The following DISP1 variants were observed in gnomAD, a reference collection of about 807,000 sequenced individuals.
DISP1 encodes dispatched RND transporter family member 1, also known as protein dispatched homolog 1.
A neutral mutation model predicts 37.3 loss-of-function variants in DISP1; 30 were observed. The ratio of observed to expected loss-of-function variants is 0.80; its 90% confidence interval spans 0.60 to 1.09. The LOEUF (loss-of-function observed/expected upper bound fraction) is 1.09. DISP1 is among the 50% of genes least tolerant of loss of function. The pLI, the probability that DISP1 is intolerant of heterozygous loss-of-function variation, is 0.00. For synonymous variants in DISP1, 634 were observed against 690.2 expected, an observed-to-expected ratio of 0.92 and a Z score of 1.28; for missense variants, 1,598 against 1,879.5, an observed-to-expected ratio of 0.85 and a Z score of 2.77.
At chr1:222,849,619 T>G (rs1217966199) in intron 1 of DISP1, among the ~76,000 whole-genome samples, 1 of 152,172 alleles carries the variant, frequency 6.6e-6, no homozygotes, top group Non-Finnish European at 1.5e-5. Context: ...CTGTGAAATT[T>G]GAAGCACCTT....
At chr1:222,960,784 A>T (rs1046300569) in intron 3 of DISP1, among the ~76,000 whole-genome samples, 1 of 152,184 alleles carries the variant, frequency 6.6e-6, no homozygotes, top group African/African-American at 2.4e-5. Context: ...TAAAGGGGAT[A>T]TCACCACTGA....
intron 1 of DISP1, among the ~76,000 whole-genome samples, chr1:222,839,893 A>G (rs1245283471): frequency 4.6e-5 from 7 of 151,682 alleles, no homozygotes; most frequent in Non-Finnish European, 1.0e-4. Flanking sequence ...AGATTGTGCC[A>G]CTGCACTCTA....
chr1:222,959,607 G>A (rs1483574518), intron 3 of DISP1, among the ~76,000 whole-genome samples: 2 of 151,012 alleles, frequency 1.3e-5, no homozygotes, highest in African/African-American at 2.4e-5. Flanking sequence ...GGCTGAGGCA[G>A]GAGAATTACT....
chr1:222,905,268 C>T (rs1456309197), intron 1 of DISP1, among the ~76,000 whole-genome samples: 3 of 152,102 alleles, frequency 2.0e-5, no homozygotes, highest in South Asian at 2.1e-4. Flanking sequence ...TAGTAATGCT[C>T]GGAATGGAAA....
intron 1 of DISP1, among the ~76,000 whole-genome samples, chr1:222,865,312 A>G (rs757661825): frequency 3.3e-5 from 5 of 152,128 alleles, no homozygotes; most frequent in Middle Eastern, 3.2e-3. Context: ...TTAGTTTTAT[A>G]TTATTAAGAC....
At position 222,936,702 on chromosome 1, in the gene DISP1, C is replaced by A. The variant is rs57298794; in HGVS notation, c.-17-6105C>A. Among the ~76,000 whole-genome samples the A allele has an allele frequency of 1.3e-3, 107 of 85,152 alleles. 2 individuals carry two copies. Among genetic ancestry groups the A allele is most frequent in the African/African-American group, 4.5e-3 (102 of 22,876 alleles). 55.9% of individuals were successfully genotyped at this position (85,152 alleles called of 152,430 possible). A position where few individuals can be genotyped will look rare whatever the true frequency, so the allele number is the denominator to read the frequency against. ...AATATATAAAATATATGATATATAT[C>A]ATATATATTATATATCATATATATG... On this transcript the variant is annotated intron_variant, in intron 2 of 8. Transcript: ENST00000675850.
intron 1 of DISP1, among the ~76,000 whole-genome samples, chr1:222,854,391 A>C (rs745717059): frequency 6.6e-6 from 1 of 152,136 alleles, no homozygotes; most frequent in Non-Finnish European, 1.5e-5. Flanking sequence ...CAAGCAGGGG[A>C]AATGCCACAT....
At chr1:222,989,842 G>A (rs868664336) in intron 4 of DISP1, among the ~76,000 whole-genome samples, 6 of 150,378 alleles carry the variant, frequency 4.0e-5, no homozygotes, top group Middle Eastern at 6.9e-3. Context: ...TAGCTCTGTC[G>A]CCCAGGCTGG....
chr1:222,979,336 C>T (rs1351265507), intron 3 of DISP1, among the ~76,000 whole-genome samples: 2 of 151,958 alleles, frequency 1.3e-5, no homozygotes, highest in East Asian at 1.9e-4. Flanking sequence ...TTACTTGAGC[C>T]CAGGAAATTG....
chr1:222,830,197 C>G (rs1665393427), intron 1 of DISP1, among the ~76,000 whole-genome samples: 1 of 152,050 alleles, frequency 6.6e-6, no homozygotes, highest in African/African-American at 2.4e-5. Flanking sequence ...ATAACTTGAC[C>G]ATGAAATCAA....
intron 3 of DISP1, among the ~76,000 whole-genome samples, chr1:222,973,717 C>T (rs924053445): frequency 3.3e-5 from 5 of 152,138 alleles, no homozygotes; most frequent in African/African-American, 9.7e-5. Context: ...TGCACAAGTG[C>T]CATTTGCTTT....
chr1:222,995,658 T>C (rs1441318626), intron 8 of DISP1, among the ~76,000 whole-genome samples: 1 of 152,212 alleles, frequency 6.6e-6, no homozygotes, highest in Non-Finnish European at 1.5e-5. Flanking sequence ...TTGGAAGAGC[T>C]GTCAATTTCA....
chr1:222,846,063 A>T (rs916334890), intron 1 of DISP1, among the ~76,000 whole-genome samples: 5 of 152,166 alleles, frequency 3.3e-5, no homozygotes, highest in African/African-American at 1.2e-4. Context: ...GAAATTTTAT[A>T]GTTTTTGGCT....
At chr1:222,997,550 A>G (rs1424610430) in intron 8 of DISP1, among the ~76,000 whole-genome samples, 1 of 152,170 alleles carries the variant, frequency 6.6e-6, no homozygotes, top group African/African-American at 2.4e-5. Flanking sequence ...ATTACAGTAA[A>G]AGCATTTCTA....
At chr1:222,959,700 CA>C (rs139605919) in intron 3 of DISP1, among the ~76,000 whole-genome samples, 50,487 of 111,236 alleles carry the variant, frequency 0.45, 10,394 homozygotes, top group Middle Eastern at 0.56. Flanking sequence ...AACTCTGTCT[CA>C]AAAAAAAAAA....
chr1:223,002,622 C>T lies in DISP1; in HGVS notation c.1225C>T (p.Leu409Phe), dbSNP rs753652728. ...CATGGCAGCCAGAAGAAAGGACCAG[C>T]TCAAGTGCACCAATGTGCCACGCAA... is the stretch of plus-strand genomic sequence containing the variant. ...WDMAARRKDQ[L>F]KCTNVPRKCT... The change falls in exon 9 of 9, where the codon CTC (leucine) becomes TTC (phenylalanine). Residue 409 changes from leucine (L) to phenylalanine (F), a missense_variant. Transcript: ENST00000675850. 6.2e-7 allele frequency: 1 copy of T among 1,614,222 alleles called. No individual in the cohort carries two copies. Among genetic ancestry groups the T allele is most frequent in the Non-Finnish European group, 8.5e-7 (1 of 1,180,042 alleles).
chr1:222,906,460 G>A (rs1671895140), intron 1 of DISP1, among the ~76,000 whole-genome samples: 1 of 152,208 alleles, frequency 6.6e-6, no homozygotes, highest in Non-Finnish European at 1.5e-5. Flanking sequence ...CCAGGAGGTT[G>A]AGGCATTCTT....
intron 1 of DISP1, among the ~76,000 whole-genome samples, chr1:222,916,849 G>A (rs558975360): frequency 1.1e-4 from 17 of 152,086 alleles, no homozygotes; most frequent in African/African-American, 3.1e-4. Context: ...ATTGTTTCAG[G>A]CTGAAAGAGT....
chr1:222,955,759 G>T (rs1454150904), intron 3 of DISP1, among the ~76,000 whole-genome samples: 1 of 152,176 alleles, frequency 6.6e-6, no homozygotes, highest in Non-Finnish European at 1.5e-5. Context: ...TAACTGTAAA[G>T]GAGTCAGTAG....
Sources: allele counts gnomAD v4.1 joint callset (sites outside exome capture counted in the v4.1 genomes callset), GRCh38; gene constraint gnomAD v4.1.1; transcripts MANE v1.5; gene names NCBI Gene and HGNC (gene_info 2026-07-23, HGNC 2026-07-21).